The following ADAM32 variants were observed in gnomAD, a reference collection of about 807,000 sequenced individuals.
The protein encoded by ADAM32 is disintegrin and metalloproteinase domain-containing protein 32.
Under a neutral mutation model 114.9 loss-of-function variants are expected in ADAM32, and 89 were observed. That is an observed-to-expected ratio of 0.77 (90% CI 0.65 to 0.92). The LOEUF is 0.92. Ranked by LOEUF, ADAM32 falls within the 40% of genes least tolerant of loss-of-function variation. ADAM32 has a pLI of 0.00. For missense variants in ADAM32, 870 were observed against 932.8 expected (o/e 0.93, Z 0.88); for synonymous variants, 285 against 307.5 (o/e 0.93, Z 0.77).
intron 16 of ADAM32, among the ~76,000 whole-genome samples, chr8:39,244,709 G>C (rs369124903): frequency 2.0e-4 from 31 of 152,284 alleles, no homozygotes; most frequent in African/African-American, 7.5e-4. Flanking sequence ...GTGGGGTGTG[G>C]GGAGTGGGGA....
At chr8:39,250,122 T>A (rs1056568854) in intron 17 of ADAM32, among the ~76,000 whole-genome samples, 3 of 152,094 alleles carry the variant, frequency 2.0e-5, no homozygotes, top group Non-Finnish European at 4.4e-5. Context: ...TTGTGAGACA[T>A]TAATTTTGGA....
intron 6 of ADAM32, among the ~76,000 whole-genome samples, chr8:39,155,505 C>G (rs956713926): frequency 3.9e-5 from 6 of 152,088 alleles, no homozygotes; most frequent in Non-Finnish European, 8.8e-5. Context: ...GTTGCTTATA[C>G]CAGTAAAATA....
rs775963198 is a variant in ADAM32 at position 39,221,710 on chromosome 8, T to A, written c.1326+8T>A. The A allele has an allele frequency of 1.4e-5, 22 of 1,598,758 alleles. No homozygotes were observed. The highest frequency in any genetic ancestry group is 8.6e-7 in the Non-Finnish European group (1 of 1,168,356). The stretch of plus-strand genomic sequence containing the variant: ...TGCTGCAAAGACTGTCAAGTAAGAT[T>A]TAAGCTTATGAACATCTTTCAAATA... On this transcript the variant is annotated splice_region_variant and intron_variant, in intron 13 of 24. Coordinates refer to ENST00000379907, the MANE Select transcript of ADAM32 (RefSeq NM_145004.7).
chr8:39,131,716 C>T lies in ADAM32; in HGVS notation c.139-4941C>T, dbSNP rs184254366. Among the ~76,000 whole-genome samples, 139 of 151,822 alleles carry T rather than the reference C, an allele frequency of 9.2e-4. 1 individual carries two copies. Among genetic ancestry groups the T allele is most frequent in the African/African-American group, 3.1e-3 (130 of 41,398 alleles). On this transcript the variant is annotated intron_variant, in intron 2 of 24. Coordinates refer to ENST00000379907, the MANE Select transcript of ADAM32 (RefSeq NM_145004.7). ...CAGTGATGATTTTACTGTTGTGAAA[C>T]GTCCTTCTTTCTTTCTGATAATATT...
chr8:39,210,488 C>A (rs1027274267), intron 11 of ADAM32, among the ~76,000 whole-genome samples: 3 of 152,124 alleles, frequency 2.0e-5, no homozygotes, highest in African/African-American at 7.2e-5. Flanking sequence ...AGGGTTCTAT[C>A]CCGTGCTCTT....
At chr8:39,118,033 T>C in intron 1 of ADAM32, 53 bp from the exon 2 acceptor site, 1 of 1,164,618 alleles carries the variant, frequency 8.6e-7, no homozygotes, top group Non-Finnish European at 1.2e-6. Context: ...TGAACAGATA[T>C]TTAATCAAAT....
chr8:39,147,915 A>T (rs1803597647), intron 4 of ADAM32, among the ~76,000 whole-genome samples: 1 of 152,096 alleles, frequency 6.6e-6, no homozygotes, highest in South Asian at 2.1e-4. Context: ...TTGGGATTAC[A>T]GGCATGCACC....
chr8:39,187,757 C>G (rs1312743554), intron 11 of ADAM32, among the ~76,000 whole-genome samples: 1 of 151,990 alleles, frequency 6.6e-6, no homozygotes, highest in Non-Finnish European at 1.5e-5. Flanking sequence ...GGATAAATTA[C>G]TTGACTTTGC....
intron 11 of ADAM32, among the ~76,000 whole-genome samples, chr8:39,188,021 G>A (rs532861791): frequency 6.6e-6 from 1 of 152,214 alleles, no homozygotes; most frequent in Non-Finnish European, 1.5e-5. Context: ...GGCCTATGAC[G>A]TGGGTAACCT....
intron 10 of ADAM32, among the ~76,000 whole-genome samples, chr8:39,180,863 C>T (rs953440299): frequency 6.8e-6 from 1 of 147,292 alleles, no homozygotes; most frequent in Non-Finnish European, 1.5e-5. Flanking sequence ...TCAGCACCCT[C>T]TGTCTAGCTC....
intron 24 of ADAM32, among the ~76,000 whole-genome samples, chr8:39,284,587 G>T (rs2129451931): frequency 6.6e-6 from 1 of 152,014 alleles, no homozygotes; most frequent in Non-Finnish European, 1.5e-5. Flanking sequence ...AAATATGATG[G>T]TTCCTCAGAA....
chr8:39,189,663 C>A (rs1806472809), intron 11 of ADAM32, among the ~76,000 whole-genome samples: 1 of 152,122 alleles, frequency 6.6e-6, no homozygotes, highest in Non-Finnish European at 1.5e-5. Flanking sequence ...CAATAAATTA[C>A]CATTAATTAC....
At chr8:39,145,429 T>TA (rs1184165708) in intron 3 of ADAM32, among the ~76,000 whole-genome samples, 1 of 152,168 alleles carries the variant, frequency 6.6e-6, no homozygotes, top group African/African-American at 2.4e-5. Flanking sequence ...CCTTTTTATA[T>TA]AAGTAGTAAA....
intron 6 of ADAM32, among the ~76,000 whole-genome samples, chr8:39,154,196 A>C (rs573090305): frequency 2.5e-4 from 37 of 149,900 alleles, no homozygotes; most frequent in Non-Finnish European, 4.1e-4. Context: ...CCTACCCCCC[A>C]TCTCCCCGAC....
intron 18 of ADAM32, among the ~76,000 whole-genome samples, chr8:39,256,192 A>T (rs1035162828): frequency 1.3e-5 from 2 of 151,868 alleles, no homozygotes; most frequent in African/African-American, 4.8e-5. Context: ...TTTTTCTAAC[A>T]TTAAAATATC....
chr8:39,160,850 A>C, intron 6 of ADAM32, 47 bp from the exon 7 acceptor site: 1 of 1,480,014 alleles, frequency 6.8e-7, no homozygotes, highest in Non-Finnish European at 9.1e-7. Context: ...CAAGTAAAAA[A>C]ATTATGAAAT....
At chr8:39,190,090 C>G (rs1337819047) in intron 11 of ADAM32, among the ~76,000 whole-genome samples, 2 of 152,182 alleles carry the variant, frequency 1.3e-5, no homozygotes, top group Non-Finnish European at 2.9e-5. Flanking sequence ...AGTGTCTACT[C>G]TATATCTTTA....
chr8:39,189,860 C>T (rs553007189), intron 11 of ADAM32, among the ~76,000 whole-genome samples: 9 of 152,080 alleles, frequency 5.9e-5, no homozygotes, highest in South Asian at 2.1e-4. Context: ...TGCGGTGGCG[C>T]GATCTCGGCT....
intron 7 of ADAM32, among the ~76,000 whole-genome samples, chr8:39,163,507 G>A (rs1480360767): frequency 6.6e-6 from 1 of 152,036 alleles, no homozygotes; most frequent in African/African-American, 2.4e-5. Context: ...TAATCAGGGT[G>A]AAAACTTAGA....
Sources: gnomAD v4.1 joint callset for allele counts (sites outside exome capture counted in the v4.1 genomes callset) on GRCh38, gnomAD v4.1.1 for gene constraint, MANE v1.5 for transcripts, NCBI Gene and HGNC (gene_info 2026-07-23, HGNC 2026-07-21) for gene names.